The following RBPMS variants were observed in gnomAD, a reference collection of about 807,000 sequenced individuals.
RBPMS encodes the protein RNA binding protein, mRNA processing factor, also known as RNA-binding protein with multiple splicing.
A neutral mutation model predicts 26.8 loss-of-function variants in RBPMS; 7 were observed. That is an observed-to-expected ratio of 0.26 (90% CI 0.15 to 0.49). The LOEUF is 0.49. Ranked by LOEUF, RBPMS falls within the 20% of genes least tolerant of loss-of-function variation. The pLI, the probability that RBPMS is intolerant of heterozygous loss-of-function variation, is 0.98. For missense variants in RBPMS, 186 were observed against 250.0 expected, an observed-to-expected ratio of 0.74 and a Z score of 1.73; for synonymous variants, 96 against 93.3, an observed-to-expected ratio of 1.03 and a Z score of -0.17.
intron 5 of RBPMS, among the ~76,000 whole-genome samples, chr8:30,535,169 T>TGG (rs901210077): frequency 2.6e-5 from 4 of 152,196 alleles, no homozygotes; most frequent in Non-Finnish European, 5.9e-5. Context: ...GTCAAGGAAA[T>TGG]GTGCTAAACT....
chr8:30,506,617 T>C (rs529318868), intron 5 of RBPMS, among the ~76,000 whole-genome samples: 1 of 152,282 alleles, frequency 6.6e-6, no homozygotes, highest in East Asian at 1.9e-4. Context: ...GTACTCAGAA[T>C]TGGTACTCAA....
intron 6 of RBPMS, among the ~76,000 whole-genome samples, chr8:30,548,374 A>G (rs1346188261): frequency 6.9e-6 from 1 of 145,738 alleles, no homozygotes; most frequent in African/African-American, 2.6e-5. Flanking sequence ...AACACACCAT[A>G]CACCCTGTAC....
intron 5 of RBPMS, among the ~76,000 whole-genome samples, chr8:30,511,471 G>GA (rs1188894079): frequency 6.2e-4 from 7 of 11,210 alleles, no homozygotes; most frequent in Admixed American, 1.7e-3. Flanking sequence ...AACAAAAAAA[G>GA]AAAAAAAAAA....
At chr8:30,438,791 T>G (rs938350451) in intron 1 of RBPMS, among the ~76,000 whole-genome samples, 6 of 152,204 alleles carry the variant, frequency 3.9e-5, no homozygotes, top group Admixed American at 3.3e-4. Context: ...TTTATTTTTT[T>G]TGAAATAGCC....
chr8:30,476,080 C>T (rs10109449), intron 2 of RBPMS, among the ~76,000 whole-genome samples: 4,265 of 152,230 alleles, frequency 0.028, 230 homozygotes, highest in African/African-American at 0.098. Context: ...GTATAAAATA[C>T]TGTTATGTTT....
At chr8:30,481,189 C>G (rs147330462) in intron 4 of RBPMS, among the ~76,000 whole-genome samples, 2 of 152,346 alleles carry the variant, frequency 1.3e-5, no homozygotes, top group East Asian at 3.9e-4. Flanking sequence ...TGGTCTCCAG[C>G]TCCTGGACTC....
chr8:30,482,611 G>A (rs953179215), intron 4 of RBPMS, among the ~76,000 whole-genome samples: 3 of 152,140 alleles, frequency 2.0e-5, no homozygotes, highest in Non-Finnish European at 4.4e-5. Flanking sequence ...TTTTATCAGG[G>A]AATTAAACCT....
chr8:30,548,218 T>C (rs907923820), intron 6 of RBPMS, among the ~76,000 whole-genome samples: 4 of 152,268 alleles, frequency 2.6e-5, no homozygotes, highest in Non-Finnish European at 4.4e-5. Context: ...AAAAAGCTTA[T>C]ACACTGAAGA....
chr8:30,433,479 T>G (rs1812145935), intron 1 of RBPMS, among the ~76,000 whole-genome samples: 1 of 152,180 alleles, frequency 6.6e-6, no homozygotes, highest in South Asian at 2.1e-4. Flanking sequence ...GAGACCAGCT[T>G]GGGCACCATG....
chr8:30,533,654 C>T (rs1227740010), intron 5 of RBPMS, among the ~76,000 whole-genome samples: 1 of 152,136 alleles, frequency 6.6e-6, no homozygotes, highest in Non-Finnish European at 1.5e-5. Context: ...TTCTTCATAT[C>T]CATTGCCATT....
At chr8:30,477,769 T>A in intron 2 of RBPMS, 30 bp from the exon 3 acceptor site, 1 of 1,539,156 alleles carries the variant, frequency 6.5e-7, no homozygotes, top group African/African-American at 1.4e-5. Context: ...CAGTTACTTT[T>A]GGCTAAACTT....
intron 4 of RBPMS, among the ~76,000 whole-genome samples, chr8:30,483,678 T>C (rs1223203045): frequency 6.6e-6 from 1 of 152,156 alleles, no homozygotes; most frequent in Non-Finnish European, 1.5e-5. Flanking sequence ...ACATTCACCA[T>C]GTTATGCAAT....
chr8:30,421,333 A>G (rs934844792), intron 1 of RBPMS, among the ~76,000 whole-genome samples: 11 of 152,208 alleles, frequency 7.2e-5, no homozygotes, highest in Admixed American at 2.6e-4. Context: ...AGCCACCAGG[A>G]TAATTTAACT....
intron 4 of RBPMS, among the ~76,000 whole-genome samples, chr8:30,481,141 GAATAAAGAC>G (rs1818227253): frequency 6.6e-6 from 1 of 152,190 alleles, no homozygotes; most frequent in East Asian, 1.9e-4. Context: ...GTTTGTTAAA[GAATAAAGAC>G]ATGGTGTTGC....
At chr8:30,483,503 C>T (rs1359290932) in intron 4 of RBPMS, among the ~76,000 whole-genome samples, 1 of 152,084 alleles carries the variant, frequency 6.6e-6, no homozygotes, top group Non-Finnish European at 1.5e-5. Flanking sequence ...TGTTGTTTTT[C>T]TTCCAGATAG....
intron 5 of RBPMS, among the ~76,000 whole-genome samples, chr8:30,528,427 C>T (rs1013816975): frequency 4.6e-5 from 7 of 152,060 alleles, no homozygotes; most frequent in African/African-American, 1.7e-4. Context: ...GTATGTTTGC[C>T]TTATGGGCTC....
At chr8:30,552,958 A>G (rs1258867870) in intron 6 of RBPMS, 1 of 152,288 alleles carries the variant, frequency 6.6e-6, no homozygotes, top group Non-Finnish European at 1.5e-5. Flanking sequence ...AGATCCGGCA[A>G]GAGCACAAGG....
intron 1 of RBPMS, among the ~76,000 whole-genome samples, chr8:30,460,092 A>G (rs1185262052): frequency 6.6e-6 from 1 of 152,216 alleles, no homozygotes; most frequent in East Asian, 1.9e-4. Context: ...GATTAAACAA[A>G]TATGTCTTTG....
At chr8:30,547,377 T>TAACATA in intron 6 of RBPMS, 1 of 1,613,712 alleles carries the variant, frequency 6.2e-7, no homozygotes, top group South Asian at 1.1e-5. Context: ...AATGTGTTTG[T>TAACATA]AACATACCAA....
Sources: gnomAD v4.1 joint callset for allele counts (sites outside exome capture counted in the v4.1 genomes callset) on GRCh38, gnomAD v4.1.1 for gene constraint, MANE v1.5 for transcripts, NCBI Gene and HGNC (gene_info 2026-07-23, HGNC 2026-07-21) for gene names.